PIGU: variants seen among roughly 807,000 people sequenced by gnomAD.
The protein encoded by PIGU is GPI-anchor transamidase component PIGU.
PIGU carries 24 observed loss-of-function variants against 49.9 expected under a neutral mutation model. That is an observed-to-expected ratio of 0.48 (90% CI 0.35 to 0.68). PIGU has a LOEUF of 0.68. Ranked by LOEUF, PIGU falls within the 30% of genes least tolerant of loss-of-function variation. The probability of loss-of-function intolerance (pLI) is 0.01; values close to 1 mark genes in which losing one functional copy is unlikely to be tolerated. For synonymous variants in PIGU, 220 were observed against 205.7 expected, an observed-to-expected ratio of 1.07 and a Z score of -0.59; for missense variants, 490 against 532.6, an observed-to-expected ratio of 0.92 and a Z score of 0.79.
intron 6 of PIGU, among the ~76,000 whole-genome samples, chr20:34,627,879 G>A (rs1237392067): frequency 6.6e-6 from 1 of 152,088 alleles, no homozygotes; most frequent in East Asian, 1.9e-4. Context: ...CTGACAAAAT[G>A]ACCACCACGA....
intron 1 of PIGU, among the ~76,000 whole-genome samples, chr20:34,663,018 CCACCT>C (rs1986975220): frequency 6.6e-6 from 1 of 152,094 alleles, no homozygotes; most frequent in South Asian, 2.1e-4. Context: ...AGCGATCATC[CCACCT>C]CAGCCTCCCA....
chr20:34,676,914 G>C (rs1454773805), intron 1 of PIGU, 42 bp downstream of exon 1: 1 of 1,554,462 alleles, frequency 6.4e-7, no homozygotes, highest in East Asian at 2.4e-5. Context: ...GCCGCGGGAG[G>C]GCAGGTGGGG....
intron 7 of PIGU, among the ~76,000 whole-genome samples, chr20:34,589,047 G>T (rs1365116997): frequency 6.6e-6 from 1 of 150,984 alleles, no homozygotes; most frequent in Non-Finnish European, 1.5e-5. Flanking sequence ...TGCTAAACAA[G>T]CCTATTATAT....
chr20:34,565,739 GCA>G (rs1024322894), intron 11 of PIGU, among the ~76,000 whole-genome samples: 7 of 147,788 alleles, frequency 4.7e-5, no homozygotes, highest in East Asian at 2.0e-4. Context: ...ACACACAGGT[GCA>G]CACACACGCA....
In PIGU at chr20:34,588,947, T is replaced by G. The variant is rs185945897; in HGVS notation, c.628-340A>C. ...AATTGTGGTATATTGACATATGGTA[T>G]ACTATTTGCCAGGTTAAATGAATAT... On this transcript the variant is annotated intron_variant, in intron 7 of 11. Coordinates refer to ENST00000217446, the MANE Select transcript of PIGU (RefSeq NM_080476.5). Among the ~76,000 whole-genome samples the G allele has an allele frequency of 2.2e-3, 330 of 152,314 alleles. 1 individual carries two copies. The highest frequency in any genetic ancestry group is 3.3e-3 in the Non-Finnish European group (226 of 68,030).
At chr20:34,667,043 T>TG (rs1987127336) in intron 1 of PIGU, among the ~76,000 whole-genome samples, 1 of 152,072 alleles carries the variant, frequency 6.6e-6, no homozygotes, top group South Asian at 2.1e-4. Context: ...GGTCCTGCTA[T>TG]GTTGCTCAGG....
chr20:34,577,100 TTTTC>T lies in PIGU; in HGVS notation c.1052-1858_1052-1855del, dbSNP rs1460320233. On this transcript the variant is annotated intron_variant, in intron 10 of 11. Coordinates refer to ENST00000217446, the MANE Select transcript of PIGU (RefSeq NM_080476.5). ...ATCACACAGGAGGATTGTCTGTTAC[TTTTC>T]TTTATCTTTATCATATTTTTAAAAA... Among the ~76,000 whole-genome samples, 6 of 152,316 alleles carry T rather than the reference TTTTC, an allele frequency of 3.9e-5. No homozygotes were observed. The East Asian group carries it at 9.6e-4, about 24-fold the overall frequency.
At chr20:34,592,511 C>A (rs1984035494) in intron 7 of PIGU, among the ~76,000 whole-genome samples, 1 of 149,804 alleles carries the variant, frequency 6.7e-6, no homozygotes, top group East Asian at 1.9e-4. Context: ...ATAGATGTAT[C>A]AGGGAGGAGA....
chr20:34,599,162 G>A (rs571258923), intron 7 of PIGU, among the ~76,000 whole-genome samples: 10 of 152,218 alleles, frequency 6.6e-5, no homozygotes, highest in African/African-American at 2.4e-4. Context: ...AATCTCACCA[G>A]TAAAAATTGG....
intron 7 of PIGU, among the ~76,000 whole-genome samples, chr20:34,600,919 A>C (rs890819482): frequency 1.3e-5 from 2 of 152,060 alleles, no homozygotes; most frequent in Non-Finnish European, 2.9e-5. Flanking sequence ...CTGTAATCCC[A>C]GCTATTCGGG....
At chr20:34,569,413 T>C (rs6087600) in intron 11 of PIGU, among the ~76,000 whole-genome samples, 66,050 of 151,692 alleles carry the variant, frequency 0.44, 15,017 homozygotes, top group Non-Finnish European at 0.5. Context: ...TATTTTTTTG[T>C]AGAGATGGGG....
chr20:34,666,641 C>G (rs1308842811), intron 1 of PIGU, among the ~76,000 whole-genome samples: 2 of 151,146 alleles, frequency 1.3e-5, no homozygotes, highest in Non-Finnish European at 2.9e-5. Flanking sequence ...GCTCAGCCTC[C>G]CACGTAGCTG....
chr20:34,646,592 AG>A (rs1298957658), intron 2 of PIGU, among the ~76,000 whole-genome samples: 28 of 150,440 alleles, frequency 1.9e-4, no homozygotes, highest in African/African-American at 6.6e-4. Context: ...TATTTTTAGT[AG>A]AGACTGGGTT....
At chr20:34,617,061 G>A (rs1985040193) in intron 6 of PIGU, among the ~76,000 whole-genome samples, 2 of 152,258 alleles carry the variant, frequency 1.3e-5, no homozygotes, top group South Asian at 4.1e-4. Context: ...AGTGAGCTGA[G>A]ATTGTACCAC....
At chr20:34,636,329 G>A (rs984510924) in intron 5 of PIGU, among the ~76,000 whole-genome samples, 1 of 152,204 alleles carries the variant, frequency 6.6e-6, no homozygotes, top group East Asian at 1.9e-4. Context: ...GATCATTTGA[G>A]GTCAGGAGTT....
chr20:34,620,809 CAAAAAAAAAACAAA>C (rs754590730), intron 6 of PIGU, among the ~76,000 whole-genome samples: 6,392 of 127,768 alleles, frequency 0.05, 222 homozygotes, highest in Non-Finnish European at 0.082. Context: ...TAAAAAAAAA[CAAAAAAAAAACAAA>C]AAAAAAAAAA....
intron 7 of PIGU, among the ~76,000 whole-genome samples, chr20:34,613,343 G>C (rs1984890742): frequency 6.6e-6 from 1 of 152,168 alleles, no homozygotes; most frequent in Admixed American, 6.5e-5. Flanking sequence ...ATAGTATCTA[G>C]CACACTATAG....
At chr20:34,649,059 G>A (rs921800113) in intron 2 of PIGU, among the ~76,000 whole-genome samples, 34 of 152,044 alleles carry the variant, frequency 2.2e-4, no homozygotes, top group African/African-American at 7.5e-4. Context: ...AGTAGAGATG[G>A]GGTTTCACTG....
At chr20:34,570,741 T>C (rs749123519) in intron 11 of PIGU, among the ~76,000 whole-genome samples, 1 of 152,268 alleles carries the variant, frequency 6.6e-6, no homozygotes, top group Non-Finnish European at 1.5e-5. Flanking sequence ...GATTTTCTTA[T>C]GTTCTCTGTT....
Sources: gnomAD v4.1 joint callset for allele counts (sites outside exome capture counted in the v4.1 genomes callset) on GRCh38, gnomAD v4.1.1 for gene constraint, MANE v1.5 for transcripts, NCBI Gene and HGNC (gene_info 2026-07-23, HGNC 2026-07-21) for gene names.